Variants in TLL1 observed in about 807,000 individuals in gnomAD.
The protein encoded by TLL1 is tolloid-like protein 1.
TLL1 carries 49 observed loss-of-function variants against 128.2 expected under a neutral mutation model. The observed-to-expected ratio is 0.38, with a 90% CI of 0.30 to 0.48. The LOEUF (loss-of-function observed/expected upper bound fraction) is 0.48. Among genes scored for constraint, TLL1 ranks in the 20% least tolerant of loss-of-function variants. The probability of loss-of-function intolerance (pLI) is 0.96; values close to 1 mark genes in which losing one functional copy is unlikely to be tolerated. For missense variants in TLL1, 1,123 were observed against 1,242.0 expected (o/e 0.90, Z 1.44); for synonymous variants, 454 against 418.8 (o/e 1.08, Z -1.03).
At chr4:165,967,389 C>T (rs756110991) in intron 1 of TLL1, among the ~76,000 whole-genome samples, 3 of 152,118 alleles carry the variant, frequency 2.0e-5, no homozygotes, top group Non-Finnish European at 4.4e-5. Context: ...ATTATAAGAG[C>T]ATTGATTGGG....
At chr4:165,874,597 G>A (rs1191071354) in intron 1 of TLL1, among the ~76,000 whole-genome samples, 1 of 152,198 alleles carries the variant, frequency 6.6e-6, no homozygotes, top group African/African-American at 2.4e-5. Flanking sequence ...TGGGTTCCAG[G>A]CTAGAAAGGG....
intron 12 of TLL1, among the ~76,000 whole-genome samples, chr4:166,044,699 A>G (rs1377616535): frequency 6.6e-6 from 1 of 152,140 alleles, no homozygotes; most frequent in Non-Finnish European, 1.5e-5. Flanking sequence ...ATAGTTAATT[A>G]AAATTGAGTA....
intron 1 of TLL1, among the ~76,000 whole-genome samples, chr4:165,969,595 A>G (rs926618930): frequency 6.6e-6 from 1 of 152,110 alleles, no homozygotes; most frequent in Admixed American, 6.5e-5. Flanking sequence ...CTTCAAACCA[A>G]TAAAAGTTAT....
intron 9 of TLL1, among the ~76,000 whole-genome samples, chr4:166,027,628 TA>T (rs780427853): frequency 6.6e-6 from 1 of 152,092 alleles, no homozygotes; most frequent in Non-Finnish European, 1.5e-5. Context: ...TAAGTTCTTT[TA>T]ACAAGAGCCA....
At chr4:166,099,625 G>GT in intron 20 of TLL1, 98 bp downstream of exon 20, 2 of 997,644 alleles carry the variant, frequency 2.0e-6, no homozygotes, top group Non-Finnish European at 1.3e-6. Flanking sequence ...AATGCTTTTT[G>GT]CAAAAAAAAA....
Position 166,043,259 on chromosome 4 carries a change from T to C in TLL1, c.1379-15T>C, listed in dbSNP as rs372717779. ...TCCAGGCTTAGTTATTTGTTTATTT[T>C]TTGGCTTTCTTCAGCGATCTGTGGA... On this transcript the variant is annotated splice_polypyrimidine_tract_variant and intron_variant, in intron 11 of 20. Transcript: ENST00000061240. 16 of 1,613,914 alleles carry C rather than the reference T, an allele frequency of 9.9e-6. No homozygotes were observed. The highest frequency in any genetic ancestry group is 1.4e-5 in the Non-Finnish European group (16 of 1,179,948).
intron 12 of TLL1, among the ~76,000 whole-genome samples, chr4:166,048,172 T>A (rs1452772849): frequency 2.7e-5 from 4 of 148,944 alleles, no homozygotes; most frequent in Non-Finnish European, 5.9e-5. Context: ...GGAGGCAGAG[T>A]TTGCAGTGAG....
intron 18 of TLL1, among the ~76,000 whole-genome samples, chr4:166,082,253 A>G (rs1459380894): frequency 6.6e-6 from 1 of 152,162 alleles, no homozygotes; most frequent in Non-Finnish European, 1.5e-5. Flanking sequence ...GACTCCTACC[A>G]TCCTATCCCA....
Position 165,873,801 on chromosome 4 carries a change from G to A in TLL1, c.-104G>A. 6 of 1,353,578 alleles carry A rather than the reference G, an allele frequency of 4.4e-6. No individual in the cohort carries two copies. The South Asian group carries it at 6.0e-5, about 14-fold the overall frequency. 83.8% of individuals were successfully genotyped at this position (1,353,578 alleles called of 1,614,324 possible). On this transcript the variant is annotated 5_prime_UTR_variant, in exon 1 of 21. Coordinates refer to ENST00000061240, the MANE Select transcript of TLL1 (RefSeq NM_012464.5). ...ACCCCGGTCCCGCCGAGGAGCCTCC[G>A]GGTGGGGAGAAGAGCACCGGTGCCC...
intron 1 of TLL1, among the ~76,000 whole-genome samples, chr4:165,941,124 G>C: frequency 6.6e-6 from 1 of 151,928 alleles, no homozygotes; most frequent in East Asian, 1.9e-4. Flanking sequence ...ACTTAAAATG[G>C]ATGCCTTCTT....
intron 9 of TLL1, among the ~76,000 whole-genome samples, chr4:166,035,628 AT>A (rs3047081): frequency 0.016 from 2,467 of 151,208 alleles, 70 homozygotes; most frequent in African/African-American, 0.053. Context: ...AAAAAGTTGT[AT>A]TTTTTTTTTC....
intron 14 of TLL1, among the ~76,000 whole-genome samples, chr4:166,058,646 T>C (rs560454847): frequency 6.6e-5 from 10 of 152,292 alleles, no homozygotes; most frequent in African/African-American, 2.4e-4. Flanking sequence ...AATTGGAAGA[T>C]CTTTCTTACT....
Position 166,065,879 on chromosome 4 carries a change from T to G in TLL1, c.2188+16T>G. The G allele has an allele frequency of 2.7e-6, 4 of 1,488,146 alleles. No individual in the cohort carries two copies. The highest frequency in any genetic ancestry group is 3.6e-6 in the Non-Finnish European group (4 of 1,121,388). The allele number at this position is 1,488,146 out of a possible 1,614,324, so 92.2% of individuals were successfully genotyped here. A position where few individuals can be genotyped will look rare whatever the true frequency, so the allele number is the denominator to read the frequency against. On this transcript the variant is annotated intron_variant, in intron 16 of 20. Transcript: ENST00000061240. ...TTTTTCTCAGGTATAAGCATTCACA[T>G]GTTGTATGTGTATATTACAGATTTT...
In TLL1 at chr4:165,989,438, A is replaced by G. The variant is rs973789645; in HGVS notation, c.227A>G (p.Asp76Gly). Residue 76 changes from aspartate (D) to glycine (G), a missense_variant, in exon 2 of 21, where the codon GAT (aspartate) becomes GGT (glycine). By Grantham distance (94) the Asp-to-Gly change is moderately conservative. Around this residue, in one of 3 missense-constraint regions of TLL1, gnomAD observed 480 missense variants for 542.4 expected, o/e 0.89. Transcript: ENST00000061240. ...DDEDLNIFQI[D>G]RTIDLTQNPF... ...GAAGACTTAAATATCTTTCAAATAGATAGGACAATTGACCTTACGCAGAAC... is the reference window on the plus strand; with the variant it reads ...GAAGACTTAAATATCTTTCAAATAGGTAGGACAATTGACCTTACGCAGAAC... 5 of 1,612,928 alleles carry G rather than the reference A, an allele frequency of 3.1e-6. No individual in the cohort carries two copies. The South Asian group carries it at 4.4e-5, about 14-fold the overall frequency.
chr4:165,878,651 T>C (rs1730827699), intron 1 of TLL1, among the ~76,000 whole-genome samples: 1 of 152,178 alleles, frequency 6.6e-6, no homozygotes, highest in Non-Finnish European at 1.5e-5. Flanking sequence ...TTTGTTTGTT[T>C]ACATAGTCTC....
chr4:166,013,547 TG>T (rs1481881674), intron 7 of TLL1, among the ~76,000 whole-genome samples: 3 of 151,812 alleles, frequency 2.0e-5, no homozygotes, highest in Non-Finnish European at 2.9e-5. Context: ...AAAGGTTTTT[TG>T]TTGTTGTTTG....
chr4:166,048,183 C>T (rs1041086859), intron 12 of TLL1, among the ~76,000 whole-genome samples: 2 of 148,834 alleles, frequency 1.3e-5, no homozygotes, highest in African/African-American at 5.0e-5. Flanking sequence ...TTGCAGTGAG[C>T]CAGGATCGTG....
At chr4:166,052,998 T>A (rs1309201430) in intron 12 of TLL1, among the ~76,000 whole-genome samples, 3 of 147,252 alleles carry the variant, frequency 2.0e-5, no homozygotes, top group Non-Finnish European at 4.5e-5. Flanking sequence ...CAAATTGGGC[T>A]TGTCACCCCT....
At chr4:165,886,463 G>T (rs571581006) in intron 1 of TLL1, among the ~76,000 whole-genome samples, 12 of 151,936 alleles carry the variant, frequency 7.9e-5, no homozygotes, top group Non-Finnish European at 2.9e-5. Flanking sequence ...TTCCTAAAAG[G>T]ATTTCAAAAT....
Sources: gnomAD v4.1 joint callset for allele counts (sites outside exome capture counted in the v4.1 genomes callset) on GRCh38, gnomAD v4.1.1 for gene constraint, gnomAD v4.1.1 regional missense constraint, MANE v1.5 for transcripts, NCBI Gene and HGNC (gene_info 2026-07-23, HGNC 2026-07-21) for gene names.